The following NLRP12 variants were observed in gnomAD, a reference collection of about 807,000 sequenced individuals.
The protein encoded by NLRP12 is NACHT, LRR and PYD domains-containing protein 12.
In NLRP12, 108 loss-of-function variants were observed where a neutral mutation model predicts 91.2. The observed-to-expected ratio is 1.18, with a 90% CI of 1.01 to 1.39. The LOEUF is 1.39. Among genes scored for constraint, NLRP12 ranks in the 40% most tolerant of loss-of-function variants. The pLI is 0.00. For synonymous variants in NLRP12, 613 were observed against 566.7 expected, an observed-to-expected ratio of 1.08 and a Z score of -1.16; for missense variants, 1,530 against 1,352.7, an observed-to-expected ratio of 1.13 and a Z score of -2.06.
intron 1 of NLRP12, among the ~76,000 whole-genome samples, chr19:53,820,057 T>C (rs991831471): frequency 6.6e-6 from 1 of 152,098 alleles, no homozygotes; most frequent in Non-Finnish European, 1.5e-5. Context: ...TGACTGTGTA[T>C]ATCCAGTTAT....
In NLRP12 at chr19:53,824,074, G is replaced by A; in HGVS notation, c.101C>T (p.Thr34Ile). 6.2e-7 allele frequency: 1 copy of A among 1,614,086 alleles called. No homozygotes were observed. The highest frequency in any genetic ancestry group is 8.5e-7 in the Non-Finnish European group (1 of 1,180,016). Residue 34 changes from threonine (T) to isoleucine (I), a missense_variant, in exon 1 of 10, where the codon ACC (threonine) becomes ATC (isoleucine). Physicochemically the swap from Thr to Ile is moderately conservative, Grantham distance 89. Coordinates refer to ENST00000324134, the MANE Select transcript of NLRP12 (RefSeq NM_144687.4). ...ELKKFKLYLGTATELGEGKIP... is the reference protein window; with the variant it reads ...ELKKFKLYLGIATELGEGKIP... The stretch of plus-strand genomic sequence containing the variant: ...CTTGCCTTCTCCCAGCTCTGTCGCG[G>A]TCCCCAGGTATAACTTGAACTTCTT...
At chr19:53,794,657 A>G (rs528677864) in intron 9 of NLRP12, among the ~76,000 whole-genome samples, 37 of 112,692 alleles carry the variant, frequency 3.3e-4, no homozygotes, top group Middle Eastern at 4.8e-3. Context: ...AGATGCAACT[A>G]TGTTCTCCAT....
intron 1 of NLRP12, 71 bp from the exon 2 acceptor site, chr19:53,815,059 T>A (rs1433111096): frequency 4.3e-6 from 5 of 1,165,680 alleles, no homozygotes; most frequent in Non-Finnish European, 6.5e-6. Context: ...TTAGCTGCGA[T>A]TACGTCGAAA....
At chr19:53,802,631 C>T (rs948838354) in intron 6 of NLRP12, among the ~76,000 whole-genome samples, 12 of 151,274 alleles carry the variant, frequency 7.9e-5, no homozygotes, top group Non-Finnish European at 1.5e-4. Flanking sequence ...GGTGTGAACC[C>T]GGGAGGCGGA....
chr19:53,804,576 G>A (rs967478115), intron 5 of NLRP12, among the ~76,000 whole-genome samples: 1 of 150,478 alleles, frequency 6.6e-6, no homozygotes, highest in African/African-American at 2.4e-5. Flanking sequence ...GCCCAGCTAA[G>A]TTTTGCATTT....
rs944812750 is a variant in NLRP12, at chr19:53,798,469, T to G, written c.2757-56A>C. 4 of 1,559,776 alleles carry G rather than the reference T, an allele frequency of 2.6e-6. No individual in the cohort carries two copies. The African/African-American group carries it at 4.1e-5, about 16-fold the overall frequency. Reference sequence around the variant, plus strand: ...GAGGCATTCCTCCTGCAAAATCTGCTGGGAGGGCCCTGTGCCAAGCCCTGT... The same window carrying G: ...GAGGCATTCCTCCTGCAAAATCTGCGGGGAGGGCCCTGTGCCAAGCCCTGT... On this transcript the variant is annotated intron_variant, in intron 7 of 9. Coordinates refer to ENST00000324134, the MANE Select transcript of NLRP12 (RefSeq NM_144687.4).
intron 3 of NLRP12, chr19:53,807,925 T>C (rs544506285): frequency 4.0e-5 from 18 of 448,428 alleles, no homozygotes; most frequent in African/African-American, 3.4e-4. Flanking sequence ...TAATTTTGTA[T>C]TTTTAGTAGA....
Position 53,810,232 on chromosome 19 carries a change from A to G in NLRP12, c.1427T>C (p.Phe476Ser), listed in dbSNP as rs762048744. Residue 476 changes from phenylalanine to serine, a missense_variant, in exon 3 of 10, where the codon TTT (phenylalanine) becomes TCT (serine). By Grantham distance (155) the Phe-to-Ser change is radical. Coordinates refer to ENST00000324134, the MANE Select transcript of NLRP12 (RefSeq NM_144687.4). The part of the protein sequence containing the change: ...ADGLWNQKIL[F>S]EEQDLRKHGL... ...GTGCTTCCGGAGGTCCTGCTCCTCA[A>G]ATAGGATTTTCTGATTCCAGAGCCC... The G allele has an allele frequency of 1.9e-6, 3 of 1,614,158 alleles. No homozygotes were observed. Among genetic ancestry groups the G allele is most frequent in the East Asian group, 2.2e-5 (1 of 44,864 alleles).
Position 53,819,410 on chromosome 19 carries a change from AATATATATATATATAT to A in NLRP12, c.290-4438_290-4423del, listed in dbSNP as rs754512228. Among the ~76,000 whole-genome samples, 94 of 23,670 alleles carry A rather than the reference AATATATATATATATAT, an allele frequency of 4.0e-3. 11 individuals are homozygous for A. The highest frequency in any genetic ancestry group is 0.011 in the African/African-American group (63 of 5,592). The allele number at this position is 23,670 out of a possible 152,430, so 15.5% of individuals were successfully genotyped here. On this transcript the variant is annotated intron_variant, in intron 1 of 9. Coordinates refer to ENST00000324134, the MANE Select transcript of NLRP12 (RefSeq NM_144687.4). ...CAGGCGTGTGCCACTACGCCTGGCT[AATATATATATATATAT>A]ATATATATATATATATATATATATA... is the stretch of plus-strand genomic sequence containing the variant.
intron 3 of NLRP12, 49 bp downstream of exon 3, chr19:53,809,538 A>AAAAC (rs1555795530): frequency 1.4e-6 from 2 of 1,456,638 alleles, no homozygotes; most frequent in Non-Finnish European, 1.8e-6. Context: ...AAAAAAAAAA[A>AAAAC]AAACACACGA....
At chr19:53,820,502 CCTGGGCGA>C (rs1436147958) in intron 1 of NLRP12, among the ~76,000 whole-genome samples, 1 of 150,400 alleles carries the variant, frequency 6.6e-6, no homozygotes, top group African/African-American at 2.4e-5. Context: ...TGCACTCCAG[CCTGGGCGA>C]CAGAGTGAGA....
intron 7 of NLRP12, among the ~76,000 whole-genome samples, chr19:53,799,993 G>T (rs555413860): frequency 6.4e-4 from 98 of 151,966 alleles, no homozygotes; most frequent in African/African-American, 2.3e-3. Context: ...TCGAGACCTT[G>T]TCCCTACAAA....
Position 53,801,209 on chromosome 19 carries a change from G to A in NLRP12, c.2756+18C>T. ...CATGGATTGGGACTCCTAGCGTGGTGAGCAAAACGGGACTCACCGCAGGGT... is the reference window on the plus strand; with the variant it reads ...CATGGATTGGGACTCCTAGCGTGGTAAGCAAAACGGGACTCACCGCAGGGT... On this transcript the variant is annotated intron_variant, in intron 7 of 9. Coordinates refer to ENST00000324134, the MANE Select transcript of NLRP12 (RefSeq NM_144687.4). 6.2e-7 allele frequency: 1 copy of A among 1,613,242 alleles called. No homozygotes were observed. Among genetic ancestry groups the A allele is most frequent in the Non-Finnish European group, 8.5e-7 (1 of 1,179,466 alleles).
At position 53,810,603 on chromosome 19, in the gene NLRP12, A is replaced by G. The variant is rs2092052898; in HGVS notation, c.1056T>C (p.Arg352=). 3 of 1,613,940 alleles carry G rather than the reference A, an allele frequency of 1.9e-6. No individual in the cohort carries two copies. The highest frequency in any genetic ancestry group is 1.7e-5 in the Admixed American group (1 of 59,954). ...TRPTALEKLH[R]LLEHPRHVEI... is the part of the protein sequence containing the mutation. ...CCACATGCCTGGGGTGCTCCAGCAG[A>G]CGGTGGAGCTTCTCCAAAGCCGTGG... Residue 352 remains arginine (R), a synonymous_variant, in exon 3 of 10, where the codon CGT becomes CGC. Transcript: ENST00000324134.
chr19:53,816,382 C>CG (rs1157232637), intron 1 of NLRP12, among the ~76,000 whole-genome samples: 5 of 152,010 alleles, frequency 3.3e-5, no homozygotes, highest in African/African-American at 4.8e-5. Context: ...GCCCGCCCCC[C>CG]CCAACAGTCT....
In NLRP12 at chr19:53,805,354, G is replaced by A. The variant is rs371264069; in HGVS notation, c.2340C>T (p.Asn780=). The A allele has an allele frequency of 7.6e-5, 122 of 1,614,058 alleles. No individual in the cohort carries two copies. The highest frequency in any genetic ancestry group is 1.3e-4 in the Admixed American group (8 of 59,988). ...KNLTRMDLSG[N]GVGFPGMMLL... The stretch of plus-strand genomic sequence containing the variant: ...GCATCATGCCTGGGAATCCAACGCC[G>A]TTGCCACTGAGATCCATCCTTGTCA... Residue 780 remains asparagine, a synonymous_variant, in exon 5 of 10, where the codon AAC becomes AAT. Coordinates refer to ENST00000324134, the MANE Select transcript of NLRP12 (RefSeq NM_144687.4).
chr19:53,811,361 C>A, intron 2 of NLRP12, 73 bp from the exon 3 acceptor site: 2 of 1,550,024 alleles, frequency 1.3e-6, no homozygotes, highest in South Asian at 2.2e-5. Context: ...GTAAAGCGCT[C>A]CTCATGTGGC....
Position 53,798,541 on chromosome 19 carries a change from CAAAAAG to C in NLRP12, c.2757-134_2757-129del, listed in dbSNP as rs1049812349. The C allele has an allele frequency of 7.0e-5, 63 of 898,420 alleles. 2 individuals are homozygous for C. Among genetic ancestry groups the C allele is most frequent in the Middle Eastern group, 3.2e-4 (1 of 3,162 alleles). The allele number at this position is 898,420 out of a possible 1,614,324, so 55.7% of individuals were successfully genotyped here. A position where few individuals can be genotyped will look rare whatever the true frequency, so the allele number is the denominator to read the frequency against. On this transcript the variant is annotated intron_variant, in intron 7 of 9. Transcript: ENST00000324134. ...AGACTCAATCTCTACCCTTGAGAGA[CAAAAAG>C]AAAAAGACGACAGAAGTAGGAAGAT... is the stretch of plus-strand genomic sequence containing the variant.
In NLRP12 at chr19:53,794,032, C is replaced by T. The variant is rs1423061557; in HGVS notation, c.*17G>A. On this transcript the variant is annotated 3_prime_UTR_variant, in exon 10 of 10. Coordinates refer to ENST00000324134, the MANE Select transcript of NLRP12 (RefSeq NM_144687.4). ...CCTCTGTCCAGATCTCAGGGGAGAG[C>T]CAGCAGATAGGACCATTCAGCAGCC... 9.5e-6 allele frequency: 15 copies of T among 1,587,030 alleles called. No homozygotes were observed. Among genetic ancestry groups the T allele is most frequent in the Non-Finnish European group, 1.3e-5 (15 of 1,155,218 alleles).
Sources: allele counts gnomAD v4.1 joint callset (sites outside exome capture counted in the v4.1 genomes callset), GRCh38; gene constraint gnomAD v4.1.1; transcripts MANE v1.5; gene names NCBI Gene and HGNC (gene_info 2026-07-23, HGNC 2026-07-21).